DYNLL1: variants seen among roughly 807,000 people sequenced by gnomAD.
The protein encoded by DYNLL1 is dynein light chain LC8-type 1.
DYNLL1 carries 3 observed loss-of-function variants against 10.1 expected under a neutral mutation model. That is an observed-to-expected ratio of 0.30 (90% confidence interval 0.14 to 0.77). The LOEUF (loss-of-function observed/expected upper bound fraction) is 0.77, where lower values mean the gene tolerates loss of function less well. Among genes scored for constraint, DYNLL1 ranks in the 30% least tolerant of loss-of-function variants. The pLI is 0.66. For missense variants in DYNLL1, 47 were observed against 111.7 expected, an observed-to-expected ratio of 0.42 and a Z score of 2.61; for synonymous variants, 46 against 41.2, an observed-to-expected ratio of 1.12 and a Z score of -0.45.
chr12:120,487,690 G>C (rs1256616599), intron 1 of DYNLL1, among the ~76,000 whole-genome samples: 1 of 152,122 alleles, frequency 6.6e-6, no homozygotes, highest in Admixed American at 6.6e-5. Flanking sequence ...GGGATATAGA[G>C]GCAGGACAAA....
chr12:120,470,386 T>G (rs2137054425), intron 1 of DYNLL1, among the ~76,000 whole-genome samples: 1 of 152,234 alleles, frequency 6.6e-6, no homozygotes, highest in Non-Finnish European at 1.5e-5. Flanking sequence ...ACACCCACCT[T>G]GGCACTTACT....
chr12:120,473,588 T>G (rs1878692914), intron 1 of DYNLL1, among the ~76,000 whole-genome samples: 2 of 143,532 alleles, frequency 1.4e-5, no homozygotes, highest in South Asian at 2.2e-4. Flanking sequence ...CCAGCTACTT[T>G]GGAGGCTGAG....
intron 1 of DYNLL1, among the ~76,000 whole-genome samples, chr12:120,477,077 C>T (rs1452901206): frequency 6.6e-6 from 1 of 151,958 alleles, no homozygotes; most frequent in Non-Finnish European, 1.5e-5. Context: ...TTACAGGCAC[C>T]TGCCACCACA....
chr12:120,479,978 G>T (rs545392910), intron 1 of DYNLL1, among the ~76,000 whole-genome samples: 5 of 152,158 alleles, frequency 3.3e-5, no homozygotes, highest in African/African-American at 9.7e-5. Context: ...GATTGTAAAG[G>T]GGTGGCATGA....
intron 1 of DYNLL1, among the ~76,000 whole-genome samples, chr12:120,487,582 A>C (rs1216091587): frequency 6.6e-6 from 1 of 152,088 alleles, no homozygotes; most frequent in East Asian, 1.9e-4. Context: ...CAACGTCCAA[A>C]AGACTGGGCC....
chr12:120,478,108 G>T lies in DYNLL1; in HGVS notation c.-7+8004G>T, dbSNP rs1220776636. On this transcript the variant is annotated intron_variant, in intron 1 of 2. Coordinates refer to the DYNLL1 transcript ENST00000392509. ...CACCCGGCCAAAAGTTTTTTTTTTT[G>T]TTGTTGTTTTTTTTTTTGAGAAGGA... Among the ~76,000 whole-genome samples, 338 of 129,958 alleles carry T rather than the reference G, an allele frequency of 2.6e-3. 1 individual carries two copies. Among genetic ancestry groups the T allele is most frequent in the African/African-American group, 7.8e-3 (250 of 32,040 alleles). The allele number at this position is 129,958 out of a possible 152,430, so 85.3% of individuals were successfully genotyped here.
At chr12:120,496,653 G>A in intron 2 of DYNLL1, 100 bp downstream of exon 2, 2 of 1,602,946 alleles carry the variant, frequency 1.2e-6, no homozygotes, top group Non-Finnish European at 1.7e-6. Flanking sequence ...CGGGAATACT[G>A]CTGGCGGCTT....
At chr12:120,488,406 G>C (rs1447340073) in intron 1 of DYNLL1, among the ~76,000 whole-genome samples, 1 of 152,108 alleles carries the variant, frequency 6.6e-6, no homozygotes, top group Non-Finnish European at 1.5e-5. Context: ...GGCTAGAGCA[G>C]AGCCCCCATT....
At chr12:120,496,645 G>A (rs779616436) in intron 2 of DYNLL1, 92 bp downstream of exon 2, 3 of 1,608,178 alleles carry the variant, frequency 1.9e-6, no homozygotes, top group Non-Finnish European at 2.6e-6. Flanking sequence ...ACAGGTCCCG[G>A]GAATACTGCT....
At chr12:120,488,548 C>T (rs1195631381) in intron 1 of DYNLL1, 1 of 152,218 alleles carries the variant, frequency 6.6e-6, no homozygotes, top group African/African-American at 2.4e-5. Context: ...CTGTGTCTGA[C>T]TCGCTTCCTT....
chr12:120,480,079 CAGA>C (rs1878849331), intron 1 of DYNLL1, among the ~76,000 whole-genome samples: 2 of 152,114 alleles, frequency 1.3e-5, no homozygotes, highest in African/African-American at 2.4e-5. Flanking sequence ...GTTTGGAAGA[CAGA>C]AGGACAGCAG....
intron 1 of DYNLL1, among the ~76,000 whole-genome samples, chr12:120,479,471 TA>T (rs1315844047): frequency 3.3e-5 from 3 of 89,588 alleles, no homozygotes; most frequent in African/African-American, 1.3e-4. Context: ...AAAAAAAAAA[TA>T]ATAATAATAA....
At position 120,498,246 on chromosome 12, in the gene DYNLL1, C is replaced by A; in HGVS notation, c.*36C>A. 1.3e-6 allele frequency: 2 copies of A among 1,582,562 alleles called. No homozygotes were observed. Among genetic ancestry groups the A allele is most frequent in the Non-Finnish European group, 1.7e-6 (2 of 1,169,422 alleles). On this transcript the variant is annotated 3_prime_UTR_variant, in exon 3 of 3. Transcript: ENST00000242577. The stretch of plus-strand genomic sequence containing the variant: ...TGTGCCACACACCCAGTGATCCATC[C>A]AAAAACAAGGACTGCAGCCTAAATT...
chr12:120,481,847 CTTCTT>C (rs911299513), intron 1 of DYNLL1, among the ~76,000 whole-genome samples: 4 of 152,108 alleles, frequency 2.6e-5, no homozygotes, highest in African/African-American at 9.7e-5. Context: ...TAAATTTTGT[CTTCTT>C]TTTGTTTGTT....
At chr12:120,488,406 G>A (rs1447340073) in intron 1 of DYNLL1, among the ~76,000 whole-genome samples, 1 of 152,108 alleles carries the variant, frequency 6.6e-6, no homozygotes, top group African/African-American at 2.4e-5. Context: ...GGCTAGAGCA[G>A]AGCCCCCATT....
In DYNLL1 at chr12:120,496,546, TC is replaced by T; in HGVS notation, c.126del (p.Lys43ArgfsTer24). On this transcript the variant is annotated frameshift_variant, in exon 2 of 3. Coordinates refer to ENST00000242577, the MANE Select transcript of DYNLL1 (RefSeq NM_003746.3). LOFTEE classifies it high-confidence loss of function. ...YNIEKDIAAH[I>X]KKEFDKKYNP... ...ATAGAGAAGGACATTGCGGCTCATA[TC>T]AAGAAGGTGAGGATGGGCGCGGGGG... 6.2e-7 allele frequency: 1 copy of T among 1,613,306 alleles called. No individual in the cohort carries two copies. The highest frequency in any genetic ancestry group is 8.5e-7 in the Non-Finnish European group (1 of 1,179,808).
At chr12:120,472,382 A>G (rs1319130598) in intron 1 of DYNLL1, among the ~76,000 whole-genome samples, 1 of 152,230 alleles carries the variant, frequency 6.6e-6, no homozygotes, top group South Asian at 2.1e-4. Flanking sequence ...GATTATGTAA[A>G]GCATCTAGCT....
upstream of DYNLL1, chr12:120,492,145 T>C (rs1191954270): frequency 6.6e-6 from 1 of 152,206 alleles, no homozygotes; most frequent in Non-Finnish European, 1.5e-5. This position sits in a 1 kb window ranked among gnomAD's most constrained non-coding sequence, Gnocchi z 4.1. Flanking sequence ...TCTTACCTTG[T>C]AGAATTGTTA....
upstream of DYNLL1, chr12:120,496,074 C>T (rs1287840376): frequency 1.4e-5 from 6 of 416,406 alleles, no homozygotes; most frequent in East Asian, 3.0e-4. Context: ...CAGGGCGGGG[C>T]CTGAGCACTA....
Sources: allele counts gnomAD v4.1 joint callset (sites outside exome capture counted in the v4.1 genomes callset), GRCh38; gene constraint gnomAD v4.1.1; non-coding constraint Gnocchi (gnomAD v3.1); transcripts MANE v1.5; gene names NCBI Gene and HGNC (gene_info 2026-07-23, HGNC 2026-07-21).